RADIL: variants seen among roughly 807,000 people sequenced by gnomAD.
RADIL encodes the protein Rap associating with DIL domain, also known as ras-associating and dilute domain-containing protein.
Under a neutral mutation model 97.6 loss-of-function variants are expected in RADIL, and 99 were observed. That is an observed-to-expected ratio of 1.01 (90% CI 0.86 to 1.20). The LOEUF (loss-of-function observed/expected upper bound fraction) is 1.20, where lower values mean the gene tolerates loss of function less well. RADIL is among the 50% of genes most tolerant of loss of function. The pLI is 0.00. For missense variants in RADIL, 1,765 were observed against 1,498.9 expected, an observed-to-expected ratio of 1.18 and a Z score of -2.93; for synonymous variants, 803 against 691.8, an observed-to-expected ratio of 1.16 and a Z score of -2.52.
At position 4,867,485 on chromosome 7, in the gene RADIL, A is replaced by G. The variant is rs1216058063; in HGVS notation, c.535+10120T>C. 6.6e-6 allele frequency among the ~76,000 whole-genome samples: 1 copy of G among 152,224 alleles called. No homozygotes were observed. The highest frequency in any genetic ancestry group is 2.4e-5 in the African/African-American group (1 of 41,466). On this transcript the variant is annotated intron_variant, in intron 2 of 14. Transcript: ENST00000399583. The surrounding 1 kb of genome is among the most constrained non-coding windows in gnomAD (Gnocchi z 4.1). ...ACTAGAGCACCATGGGTAGGTGTCA[A>G]AAACATAATGTGAGGCCAGGTGTGG... is the stretch of plus-strand genomic sequence containing the variant.
rs1349510569 is a variant in RADIL, at chr7:4,823,342, T to TC, written c.1455-789_1455-788insG. Among the ~76,000 whole-genome samples, 15 of 142,376 alleles carry TC rather than the reference T, an allele frequency of 1.1e-4. 1 individual carries two copies. The highest frequency in any genetic ancestry group is 3.2e-4 in the African/African-American group (13 of 40,776). The allele number at this position is 142,376 out of a possible 152,430, so 93.4% of individuals were successfully genotyped here. On this transcript the variant is annotated intron_variant, in intron 5 of 14. Coordinates refer to ENST00000399583, the MANE Select transcript of RADIL (RefSeq NM_018059.5). ...TAATTATTAAAAACCTTTTTTTTTT[T>TC]TTTTTTTTTTAGAGACAGGGTCTTG...
rs544044293 is a variant in RADIL at position 4,835,938 on chromosome 7, C to T, written c.783+420G>A. The stretch of plus-strand genomic sequence containing the variant: ...GATAGGGGTGGCATGGGCCTTTGCT[C>T]GGTGCCCCTTCAGAGAATGTGGCCA... On this transcript the variant is annotated intron_variant, in intron 3 of 14. Coordinates refer to ENST00000399583, the MANE Select transcript of RADIL (RefSeq NM_018059.5). This position sits in a 1 kb window ranked among gnomAD's most constrained non-coding sequence, Gnocchi z 5.8. 8.5e-5 allele frequency among the ~76,000 whole-genome samples: 13 copies of T among 152,324 alleles called. 1 individual carries two copies. The South Asian group carries it at 1.7e-3, about 19-fold the overall frequency.
At position 4,822,450 on chromosome 7, in the gene RADIL, A is replaced by G. The variant is rs1782859620; in HGVS notation, c.1559T>C (p.Ile520Thr). The change falls in exon 6 of 15, where the codon ATC (isoleucine) becomes ACC (threonine). Residue 520 changes from isoleucine (I) to threonine (T), a missense_variant. Ile to Thr is a moderately conservative substitution (Grantham distance 89, BLOSUM62 -1). Coordinates refer to ENST00000399583, the MANE Select transcript of RADIL (RefSeq NM_018059.5). This position sits in a 1 kb window ranked among gnomAD's most constrained non-coding sequence, Gnocchi z 5.3. Reference sequence around the variant, plus strand: ...CATGTAGAGTGGGCATTTCTGCTGGATAAAGTACAGGAGCTCGATGGAGTT... The same window carrying G: ...CATGTAGAGTGGGCATTTCTGCTGGGTAAAGTACAGGAGCTCGATGGAGTT... ...MSNSIELLYF[I>T]QQKCPLYMQS... 10 of 1,612,922 alleles carry G rather than the reference A, an allele frequency of 6.2e-6. No homozygotes were observed. Among genetic ancestry groups the G allele is most frequent in the African/African-American group, 1.3e-5 (1 of 74,938 alleles).
chr7:4,848,917 T>C (rs1783641602), intron 2 of RADIL, among the ~76,000 whole-genome samples: 1 of 152,148 alleles, frequency 6.6e-6, no homozygotes. Flanking sequence ...GGCGGGCAGA[T>C]CACCTGAGGT....
intron 2 of RADIL, among the ~76,000 whole-genome samples, chr7:4,866,227 C>G (rs1175653444): frequency 6.6e-6 from 1 of 152,172 alleles, no homozygotes; most frequent in Non-Finnish European, 1.5e-5. Context: ...CTCACTGCAG[C>G]CTTGAACTTC....
intron 2 of RADIL, among the ~76,000 whole-genome samples, chr7:4,841,180 C>A (rs1171449726): frequency 6.6e-6 from 1 of 152,202 alleles, no homozygotes; most frequent in African/African-American, 2.4e-5. Context: ...TGTTGCCTAC[C>A]CCATGTGAGG....
At chr7:4,865,753 TG>T in intron 2 of RADIL, 1 of 1,060,152 alleles carries the variant, frequency 9.4e-7, no homozygotes, top group Non-Finnish European at 1.5e-6. Flanking sequence ...CTTCAGAACC[TG>T]CTTATTTTTT....
chr7:4,861,744 C>T (rs772459712), intron 2 of RADIL: 2 of 1,506,648 alleles, frequency 1.3e-6, no homozygotes, highest in Admixed American at 2.4e-5. Context: ...GGCGAGGAGA[C>T]GCCGTAGCGA....
At chr7:4,871,783 C>A (rs1272775351) in intron 2 of RADIL, among the ~76,000 whole-genome samples, 3 of 152,200 alleles carry the variant, frequency 2.0e-5, no homozygotes, top group Admixed American at 6.5e-5. Context: ...AACCCTTCCA[C>A]AGGTATTTAA....
In RADIL at chr7:4,836,533, G is replaced by C; in HGVS notation, c.608C>G (p.Ala203Gly). The change falls in exon 3 of 15, where the codon GCC (alanine) becomes GGC (glycine). Residue 203 changes from alanine (A) to glycine (G), a missense_variant. Transcript: ENST00000399583. ...CAACCGGGGTGGAGGAGAGCTCCGG[G>C]CATCCCCCAGGGCCGGGGTCGGGGT... is the stretch of plus-strand genomic sequence containing the variant. ...KGTPTPALGD[A>G]RSSPPPRLRR... 1 of 1,607,406 alleles carries C rather than the reference G, an allele frequency of 6.2e-7. No homozygotes were observed. The highest frequency in any genetic ancestry group is 8.5e-7 in the Non-Finnish European group (1 of 1,179,304).
At chr7:4,847,323 A>AAACAAC (rs55650504) in intron 2 of RADIL, among the ~76,000 whole-genome samples, 3 of 152,094 alleles carry the variant, frequency 2.0e-5, no homozygotes, top group Non-Finnish European at 4.4e-5. Context: ...CCGTCTCACC[A>AAACAAC]AACAACAACA....
intron 9 of RADIL, among the ~76,000 whole-genome samples, chr7:4,811,479 CTTTTTTTTTTTTTTT>C (rs35136302): frequency 4.9e-4 from 29 of 59,048 alleles, no homozygotes; most frequent in African/African-American, 1.1e-3. Flanking sequence ...GGTATTATTT[CTTTTTTTTTTTTTTT>C]TTTTTTTTTT....
rs777973393 is a variant in RADIL at position 4,815,891 on chromosome 7, G to A, written c.1966+337C>T. Among the ~76,000 whole-genome samples, 1 of 152,192 alleles carries A rather than the reference G, an allele frequency of 6.6e-6. No homozygotes were observed. The highest frequency in any genetic ancestry group is 1.5e-5 in the Non-Finnish European group (1 of 68,022). On this transcript the variant is annotated intron_variant, in intron 8 of 14. Transcript: ENST00000399583. This position sits in a 1 kb window ranked among gnomAD's most constrained non-coding sequence, Gnocchi z 8.0. ...AGAGTCCGCGGCTGCACAGACCTGG[G>A]TTCCATCCTGGCCCTGACATGTCCA...
chr7:4,850,767 G>A (rs554071123), intron 2 of RADIL, among the ~76,000 whole-genome samples: 10 of 152,302 alleles, frequency 6.6e-5, no homozygotes, highest in South Asian at 2.1e-4. Flanking sequence ...AGAAAGGAAC[G>A]CAGCCCAGCC....
chr7:4,804,986 A>C (rs565819272), intron 10 of RADIL, among the ~76,000 whole-genome samples: 5 of 148,220 alleles, frequency 3.4e-5, no homozygotes, highest in African/African-American at 7.5e-5. Context: ...CCCAGCTACT[A>C]GGGAGGCTGA....
At position 4,878,239 on chromosome 7, in the gene RADIL, T is replaced by A; in HGVS notation, c.-64-36A>T. 1 of 1,289,368 alleles carries A rather than the reference T, an allele frequency of 7.8e-7. No homozygotes were observed. Among genetic ancestry groups the A allele is most frequent in the South Asian group, 1.6e-5 (1 of 64,486 alleles). 79.9% of individuals were successfully genotyped at this position (1,289,368 alleles called of 1,614,324 possible). On this transcript the variant is annotated intron_variant, in intron 1 of 14. Transcript: ENST00000399583. The surrounding 1 kb of genome is among the most constrained non-coding windows in gnomAD (Gnocchi z 4.1). ...AAGTGAGAGAGGTTAGCGCCAACCA[T>A]CGTGACCACCAAGAGCAAATGAGGC...
chr7:4,827,428 G>A (rs113850682), intron 5 of RADIL, among the ~76,000 whole-genome samples: 9,388 of 151,716 alleles, frequency 0.062, 400 homozygotes, highest in South Asian at 0.16. Flanking sequence ...GGGAGGCCGA[G>A]GTGGGCGGGT....
chr7:4,860,927 T>G, intron 2 of RADIL: 1 of 1,614,206 alleles, frequency 6.2e-7, no homozygotes, highest in Middle Eastern at 1.6e-4. Flanking sequence ...CAAATTAAGA[T>G]TCCGTTCTTC....
rs772016347 is a variant in RADIL, at chr7:4,815,502, A to G, written c.1967-52T>C. 2.1e-6 allele frequency: 3 copies of G among 1,444,056 alleles called. No individual in the cohort carries two copies. The East Asian group carries it at 7.5e-5, about 36-fold the overall frequency. The allele number at this position is 1,444,056 out of a possible 1,614,324, so 89.5% of individuals were successfully genotyped here. A position where few individuals can be genotyped will look rare whatever the true frequency, so the allele number is the denominator to read the frequency against. ...GCCTGGGCTGCCCTCCTGGGGGGAC[A>G]CAGACATGGGCCTGTCCCCAGAGCC... On this transcript the variant is annotated intron_variant, in intron 8 of 14. Transcript: ENST00000399583. The surrounding 1 kb of genome is among the most constrained non-coding windows in gnomAD (Gnocchi z 8.0).
Sources: allele counts gnomAD v4.1 joint callset (sites outside exome capture counted in the v4.1 genomes callset), GRCh38; gene constraint gnomAD v4.1.1; non-coding constraint Gnocchi (gnomAD v3.1); transcripts MANE v1.5; gene names NCBI Gene and HGNC (gene_info 2026-07-23, HGNC 2026-07-21).